The following UBE2G1 variants were observed in gnomAD, a reference collection of about 807,000 sequenced individuals.
The protein encoded by UBE2G1 is ubiquitin-conjugating enzyme E2 G1.
A neutral mutation model predicts 22.7 loss-of-function variants in UBE2G1; 5 were observed. The observed-to-expected ratio is 0.22, with a 90% confidence interval of 0.12 to 0.46. The LOEUF is 0.46. Ranked by LOEUF, UBE2G1 falls within the 20% of genes least tolerant of loss-of-function variation. The pLI is 0.99. For synonymous variants in UBE2G1, 74 were observed against 67.5 expected (o/e 1.10, Z -0.47); for missense variants, 88 against 203.9 (o/e 0.43, Z 3.46).
chr17:4,304,222 C>T (rs1407328833), intron 2 of UBE2G1, among the ~76,000 whole-genome samples: 2 of 152,036 alleles, frequency 1.3e-5, no homozygotes, highest in Non-Finnish European at 2.9e-5. Context: ...TGGTCTCCAA[C>T]GTCTGAGCTC....
chr17:4,284,464 G>A (rs1968934440), intron 4 of UBE2G1, among the ~76,000 whole-genome samples: 1 of 151,830 alleles, frequency 6.6e-6, no homozygotes, highest in South Asian at 2.1e-4. Context: ...AGCCAGGCAT[G>A]GTGGCACGTG....
chr17:4,291,429 G>A (rs1969040198), intron 3 of UBE2G1, among the ~76,000 whole-genome samples: 1 of 149,332 alleles, frequency 6.7e-6, no homozygotes, highest in African/African-American at 2.5e-5. Context: ...AAATTTCATA[G>A]AGTATTACTA....
intron 1 of UBE2G1, among the ~76,000 whole-genome samples, chr17:4,314,016 G>A (rs937341791): frequency 1.3e-5 from 2 of 152,110 alleles, no homozygotes; most frequent in African/African-American, 2.4e-5. Flanking sequence ...AACAGAAAGA[G>A]CATATGAAAA....
At chr17:4,354,668 G>C (rs2067299246) in intron 1 of UBE2G1, among the ~76,000 whole-genome samples, 1 of 152,058 alleles carries the variant, frequency 6.6e-6, no homozygotes, top group African/African-American at 2.4e-5. Context: ...TCAAATATTT[G>C]GCTGGGGCAA....
At chr17:4,299,055 C>A (rs1969143287) in intron 2 of UBE2G1, among the ~76,000 whole-genome samples, 1 of 152,118 alleles carries the variant, frequency 6.6e-6, no homozygotes, top group South Asian at 2.1e-4. Context: ...TCAAACAGGG[C>A]TGCAAAAGCA....
intron 1 of UBE2G1, among the ~76,000 whole-genome samples, chr17:4,353,448 G>GATAT (rs142740176): frequency 0.01 from 1,416 of 139,472 alleles, 24 homozygotes; most frequent in African/African-American, 0.038. Context: ...GAGTTTCGTT[G>GATAT]ATATATATAT....
chr17:4,304,371 A>C (rs181225735), intron 2 of UBE2G1, among the ~76,000 whole-genome samples: 51 of 152,252 alleles, frequency 3.3e-4, no homozygotes, highest in African/African-American at 1.2e-3. Flanking sequence ...GGTTATCCAT[A>C]CTGTTTGATA....
chr17:4,354,603 C>G (rs1969883438), intron 1 of UBE2G1, among the ~76,000 whole-genome samples: 1 of 152,060 alleles, frequency 6.6e-6, no homozygotes, highest in Non-Finnish European at 1.5e-5. Context: ...CTAGCCAGCT[C>G]CATCAGCATT....
At chr17:4,356,142 G>A (rs1458533516) in intron 1 of UBE2G1, among the ~76,000 whole-genome samples, 4 of 148,742 alleles carry the variant, frequency 2.7e-5, no homozygotes, top group African/African-American at 7.4e-5. Flanking sequence ...GATCACCTGA[G>A]GTCAGGAGTT....
chr17:4,366,208 G>T, intron 1 of UBE2G1, 63 bp downstream of exon 1: 1 of 1,476,286 alleles, frequency 6.8e-7, no homozygotes, highest in South Asian at 1.3e-5. Flanking sequence ...AGGAGAAGAG[G>T]GACTGGGCTG....
intron 1 of UBE2G1, among the ~76,000 whole-genome samples, chr17:4,354,806 G>T (rs78230561): frequency 6.6e-6 from 1 of 152,040 alleles, no homozygotes; most frequent in Admixed American, 6.6e-5. Context: ...GCATGGTGGC[G>T]CGTGCCTGTA....
intron 1 of UBE2G1, among the ~76,000 whole-genome samples, chr17:4,343,542 T>C (rs949358839): frequency 1.3e-4 from 20 of 152,168 alleles, no homozygotes; most frequent in African/African-American, 4.8e-4. Flanking sequence ...TTTTCATATA[T>C]ATGAAGGTTG....
intron 1 of UBE2G1, among the ~76,000 whole-genome samples, chr17:4,349,268 C>T: frequency 6.6e-6 from 1 of 151,526 alleles, no homozygotes. Context: ...TGCAGTGAGC[C>T]AAATTTGCAC....
intron 1 of UBE2G1, among the ~76,000 whole-genome samples, chr17:4,315,987 A>AT (rs907769550): frequency 2.0e-5 from 3 of 150,652 alleles, no homozygotes; most frequent in Non-Finnish European, 4.4e-5. Flanking sequence ...TTTTATATAT[A>AT]TATGTTTTTA....
At chr17:4,293,249 A>T (rs12946119) in intron 3 of UBE2G1, among the ~76,000 whole-genome samples, 139,308 of 152,192 alleles carry the variant, frequency 0.92, 65,054 homozygotes, top group East Asian at 1. Flanking sequence ...GTCACCTTTT[A>T]CGACTGACTT....
At chr17:4,279,785 T>TATATATATATA (rs1968862385) in intron 5 of UBE2G1, among the ~76,000 whole-genome samples, 1 of 68,850 alleles carries the variant, frequency 1.5e-5, no homozygotes, top group Non-Finnish European at 3.4e-5. Flanking sequence ...CAAAAAAAAG[T>TATATATATATA]TATATATATA....
chr17:4,321,843 C>T (rs1969443056), intron 1 of UBE2G1, among the ~76,000 whole-genome samples: 1 of 152,054 alleles, frequency 6.6e-6, no homozygotes. Flanking sequence ...ACATTTAAAC[C>T]CCTAATTTTC....
intron 1 of UBE2G1, among the ~76,000 whole-genome samples, chr17:4,357,469 G>A (rs1475586348): frequency 8.0e-6 from 1 of 125,074 alleles, no homozygotes; most frequent in African/African-American, 3.1e-5. Context: ...GAGGACTACT[G>A]TATTCAGATG....
intron 1 of UBE2G1, among the ~76,000 whole-genome samples, chr17:4,336,371 C>T (rs180993887): frequency 6.6e-6 from 1 of 152,140 alleles, no homozygotes; most frequent in African/African-American, 2.4e-5. Flanking sequence ...TAAAAGCATA[C>T]ATAGCAAGCA....
Sources: gnomAD v4.1 joint callset for allele counts (sites outside exome capture counted in the v4.1 genomes callset) on GRCh38, gnomAD v4.1.1 for gene constraint, MANE v1.5 for transcripts, NCBI Gene and HGNC (gene_info 2026-07-23, HGNC 2026-07-21) for gene names.